Variants in PREP observed in about 807,000 individuals in gnomAD.
The protein encoded by PREP is prolyl endopeptidase, also known as dJ355L5.1 (prolyl endopeptidase).
A neutral mutation model predicts 87.6 loss-of-function variants in PREP; 29 were observed. The ratio of observed to expected loss-of-function variants is 0.33; its 90% CI spans 0.25 to 0.45. The LOEUF (loss-of-function observed/expected upper bound fraction) is 0.45, where lower values mean the gene tolerates loss of function less well. PREP is among the 20% of genes least tolerant of loss of function. PREP has a pLI of 1.00. For synonymous variants in PREP, 337 were observed against 328.6 expected (o/e 1.03, Z -0.28); for missense variants, 695 against 886.5 (o/e 0.78, Z 2.74).
At chr6:105,379,104 A>G (rs1393712469) in intron 2 of PREP, among the ~76,000 whole-genome samples, 1 of 152,254 alleles carries the variant, frequency 6.6e-6, no homozygotes, top group African/African-American at 2.4e-5. Flanking sequence ...TAAAACTGTT[A>G]CAGGTCACAT....
intron 7 of PREP, among the ~76,000 whole-genome samples, chr6:105,339,706 G>A (rs191510857): frequency 6.6e-6 from 1 of 152,288 alleles, no homozygotes; most frequent in East Asian, 1.9e-4. Context: ...ACCTGATGGA[G>A]CTGAAAACCA....
chr6:105,400,330 G>C (rs919724306), intron 1 of PREP, among the ~76,000 whole-genome samples: 1 of 152,148 alleles, frequency 6.6e-6, no homozygotes, highest in African/African-American at 2.4e-5. Flanking sequence ...TCAGGATAAA[G>C]TGCAGACTCG....
At chr6:105,361,141 C>T (rs960928800) in intron 6 of PREP, among the ~76,000 whole-genome samples, 1 of 152,034 alleles carries the variant, frequency 6.6e-6, no homozygotes, top group Non-Finnish European at 1.5e-5. Context: ...GCAAAGAATA[C>T]CTGAGCTTTC....
chr6:105,297,941 T>G (rs1247179748), intron 10 of PREP, among the ~76,000 whole-genome samples: 2 of 152,104 alleles, frequency 1.3e-5, no homozygotes, highest in African/African-American at 4.8e-5. Flanking sequence ...TTAGAGTACA[T>G]CGATATGAAG....
chr6:105,323,142 T>C (rs1303630791), intron 10 of PREP: 4 of 1,297,942 alleles, frequency 3.1e-6, no homozygotes, highest in Admixed American at 2.3e-5. Context: ...ATTCTTAACC[T>C]GAAAAGATGG....
At chr6:105,352,554 T>C (rs1421959912) in intron 7 of PREP, among the ~76,000 whole-genome samples, 2 of 152,220 alleles carry the variant, frequency 1.3e-5, no homozygotes, top group African/African-American at 4.8e-5. Flanking sequence ...TCTGGCTATG[T>C]TGCCCAGGCT....
chr6:105,356,388 T>C (rs1369500431), intron 6 of PREP, among the ~76,000 whole-genome samples: 2 of 152,204 alleles, frequency 1.3e-5, no homozygotes, highest in East Asian at 3.9e-4. Flanking sequence ...CTTTGGGAGT[T>C]GTCAGCTTAC....
At chr6:105,323,822 G>A (rs894643274) in intron 9 of PREP, 54 bp from the exon 10 acceptor site, 39 of 1,445,590 alleles carry the variant, frequency 2.7e-5, no homozygotes, top group Middle Eastern at 1.7e-4. Context: ...AGATTCAAAG[G>A]GGGCAAGGAT....
intron 7 of PREP, among the ~76,000 whole-genome samples, chr6:105,339,718 G>A (rs924878909): frequency 2.0e-5 from 3 of 152,280 alleles, no homozygotes; most frequent in African/African-American, 7.2e-5. Flanking sequence ...TGAAAACCAT[G>A]GCACAAGAAC....
rs377361545 is a variant in PREP at position 105,288,798 on chromosome 6, C to T, written c.1414G>A (p.Gly472Ser). The T allele has an allele frequency of 6.2e-7, 1 of 1,613,998 alleles. No homozygotes were observed. Among genetic ancestry groups the T allele is most frequent in the African/African-American group, 1.3e-5 (1 of 74,898 alleles). ...ATGGATATGTTGAAGCCGCCATAGC[C>T]ATATAAGAAAGCTGGATGAGAGCCA... ...LDGSHPAFLY[G>S]YGGFNISITP... Residue 472 changes from glycine (G) to serine (S), a missense_variant, in exon 11 of 15, where the codon GGC becomes AGC. By Grantham distance (56) the Gly-to-Ser change is moderately conservative (BLOSUM62 0). Transcript: ENST00000652536.
chr6:105,402,705 A>C lies in PREP; in HGVS notation c.45+142T>G, dbSNP rs1378724346. ...CAGAGGAGCCCCGCGCCCCCGGCCCAATTCTCCCAAACAAAGGCCGAGGGG... is the reference window on the plus strand; with the variant it reads ...CAGAGGAGCCCCGCGCCCCCGGCCCCATTCTCCCAAACAAAGGCCGAGGGG... On this transcript the variant is annotated intron_variant, in intron 1 of 14. Transcript: ENST00000652536. 3 of 734,778 alleles carry C rather than the reference A, an allele frequency of 4.1e-6. No individual in the cohort carries two copies. The East Asian group carries it at 1.1e-4, about 26-fold the overall frequency. The allele number at this position is 734,778 out of a possible 1,614,324, so 45.5% of individuals were successfully genotyped here.
chr6:105,301,925 G>C (rs1418121875), intron 10 of PREP, among the ~76,000 whole-genome samples: 1 of 152,126 alleles, frequency 6.6e-6, no homozygotes, highest in Non-Finnish European at 1.5e-5. Context: ...TGGAAGTTCT[G>C]AATACAAGGA....
chr6:105,401,243 C>A (rs1372709453), intron 1 of PREP, among the ~76,000 whole-genome samples: 1 of 152,170 alleles, frequency 6.6e-6, no homozygotes, highest in African/African-American at 2.4e-5. Flanking sequence ...GAAAAACTAA[C>A]AAGTAACTCT....
chr6:105,285,674 A>T, intron 11 of PREP, 94 bp from the exon 12 acceptor site: 1 of 927,824 alleles, frequency 1.1e-6, no homozygotes, highest in East Asian at 2.5e-5. Flanking sequence ...GCCCAACAAC[A>T]CTCTGAGTAA....
chr6:105,373,723 G>C, intron 4 of PREP, 145 bp from the exon 5 acceptor site: 2 of 833,464 alleles, frequency 2.4e-6, no homozygotes, highest in African/African-American at 1.7e-5. Flanking sequence ...GAGGAATCCC[G>C]GGGGCTCAGC....
chr6:105,306,853 C>T (rs1053120071), intron 10 of PREP, among the ~76,000 whole-genome samples: 23 of 152,060 alleles, frequency 1.5e-4, no homozygotes, highest in African/African-American at 5.6e-4. Context: ...TACACAGGCC[C>T]TTAAGGGTCT....
chr6:105,345,400 G>A (rs1771770012), intron 7 of PREP, among the ~76,000 whole-genome samples: 1 of 151,818 alleles, frequency 6.6e-6, no homozygotes. Flanking sequence ...GCTTCTTGGT[G>A]GGGACTGATT....
chr6:105,350,843 A>G (rs1284022739), intron 7 of PREP, among the ~76,000 whole-genome samples: 1 of 152,240 alleles, frequency 6.6e-6, no homozygotes, highest in East Asian at 1.9e-4. Flanking sequence ...CAGAAAAAAG[A>G]TAACGGGCTC....
intron 6 of PREP, among the ~76,000 whole-genome samples, chr6:105,360,306 G>C (rs559571070): frequency 6.6e-6 from 1 of 152,178 alleles, no homozygotes; most frequent in Admixed American, 6.5e-5. Context: ...CCTTGGCAGG[G>C]AGGTCAGAAA....
Sources: gnomAD v4.1 joint callset for allele counts (sites outside exome capture counted in the v4.1 genomes callset) on GRCh38, gnomAD v4.1.1 for gene constraint, MANE v1.5 for transcripts, NCBI Gene and HGNC (gene_info 2026-07-23, HGNC 2026-07-21) for gene names.